Variants in MTA3 observed in about 807,000 individuals in gnomAD.
MTA3 encodes metastasis-associated protein MTA3.
In MTA3, 34 loss-of-function variants were observed where a neutral mutation model predicts 83.5. The ratio of observed to expected loss-of-function variants is 0.41; its 90% CI spans 0.31 to 0.54. MTA3 has a LOEUF of 0.54. Among genes scored for constraint, MTA3 ranks in the 20% least tolerant of loss-of-function variants. The probability of loss-of-function intolerance (pLI) is 0.33; values close to 1 mark genes in which losing one functional copy is unlikely to be tolerated. For synonymous variants in MTA3, 303 were observed against 252.7 expected, an observed-to-expected ratio of 1.20 and a Z score of -1.89; for missense variants, 761 against 726.4, an observed-to-expected ratio of 1.05 and a Z score of -0.55.
chr2:42,556,440 G>T (rs967129327), intron 2 of MTA3, among the ~76,000 whole-genome samples: 4 of 152,194 alleles, frequency 2.6e-5, no homozygotes, highest in South Asian at 2.1e-4. Flanking sequence ...CCTCAGTCCT[G>T]TTTAAATATT....
intron 2 of MTA3, among the ~76,000 whole-genome samples, chr2:42,552,402 G>A (rs1677154968): frequency 6.6e-6 from 1 of 152,146 alleles, no homozygotes. Flanking sequence ...AGCAGACTAT[G>A]AAGATGCTTG....
At chr2:42,644,724 T>C (rs983673315) in intron 6 of MTA3, among the ~76,000 whole-genome samples, 2 of 152,342 alleles carry the variant, frequency 1.3e-5, no homozygotes, top group East Asian at 1.9e-4. Context: ...TTCATTATTA[T>C]AATATCTGTT....
intron 6 of MTA3, among the ~76,000 whole-genome samples, chr2:42,654,194 C>T (rs1688954675): frequency 6.6e-6 from 1 of 152,158 alleles, no homozygotes. Flanking sequence ...GCCTTTGAAC[C>T]AGGGACAGAA....
At position 42,755,523 on chromosome 2, in the gene MTA3, A is replaced by C; in HGVS notation, c.*2124A>C. The C allele has an allele frequency of 1.0e-6, 1 of 985,402 alleles. No homozygotes were observed. Among genetic ancestry groups the C allele is most frequent in the Non-Finnish European group, 1.2e-6 (1 of 829,932 alleles). The allele number at this position is 985,402 out of a possible 1,614,324, so 61.0% of individuals were successfully genotyped here. A position where few individuals can be genotyped will look rare whatever the true frequency, so the allele number is the denominator to read the frequency against. On this transcript the variant is annotated 3_prime_UTR_variant, in exon 17 of 17. Coordinates refer to ENST00000405094, the MANE Select transcript of MTA3 (RefSeq NM_001330442.2). ...AGGCTTTTCCTTCCTCTTGTAAGTA[A>C]AGCTCGTGGTTCTGTAGTCCAGTCA...
At chr2:42,520,829 G>C (rs1376381197) in intron 2 of MTA3, among the ~76,000 whole-genome samples, 1 of 152,120 alleles carries the variant, frequency 6.6e-6, no homozygotes, top group Non-Finnish European at 1.5e-5. Flanking sequence ...TCTTCCCAAA[G>C]TGCTGGGATT....
intron 3 of MTA3, among the ~76,000 whole-genome samples, chr2:42,593,178 AAAC>A (rs70963333): frequency 0.75 from 112,124 of 150,204 alleles, 42,115 homozygotes; most frequent in Middle Eastern, 0.88. Context: ...AATAGAATTA[AAAC>A]AACAATAAAA....
At chr2:42,636,075 G>A (rs1468705524) in intron 4 of MTA3, among the ~76,000 whole-genome samples, 1 of 152,012 alleles carries the variant, frequency 6.6e-6, no homozygotes, top group Non-Finnish European at 1.5e-5. Flanking sequence ...GGCCAGGAAT[G>A]GTTTTTTAAG....
intron 9 of MTA3, among the ~76,000 whole-genome samples, chr2:42,694,965 C>T (rs1693242419): frequency 6.6e-6 from 1 of 151,614 alleles, no homozygotes; most frequent in Admixed American, 6.6e-5. Context: ...ATAGGGAGAC[C>T]CCAACTCTAC....
intron 14 of MTA3, 40 bp downstream of exon 14, chr2:42,709,136 T>C: frequency 6.5e-7 from 1 of 1,533,698 alleles, no homozygotes; most frequent in Non-Finnish European, 8.8e-7. Context: ...ATGTTGTGCT[T>C]CTGACCATTT....
chr2:42,659,828 T>C lies in MTA3; in HGVS notation c.668T>C (p.Met223Thr), dbSNP rs1317773275. The C allele has an allele frequency of 1.2e-6, 2 of 1,607,368 alleles. No homozygotes were observed. The highest frequency in any genetic ancestry group is 4.5e-5 in the East Asian group (2 of 44,418). The change falls in exon 8 of 17, where the codon ATG becomes ACG. Residue 223 changes from methionine to threonine, a missense_variant. By Grantham distance (81) the Met-to-Thr change is moderately conservative. Coordinates refer to ENST00000405094, the MANE Select transcript of MTA3 (RefSeq NM_001330442.2). ...TCTGTGAGGCAGCCTAGTTTGCATA[T>C]GAGTGCTGCTGCAGCTTCCCGAGAC... is the stretch of plus-strand genomic sequence containing the variant. ...SSSVRQPSLHMSAAAASRDIT... is the reference protein window; with the variant it reads ...SSSVRQPSLHTSAAAASRDIT...
intron 2 of MTA3, among the ~76,000 whole-genome samples, chr2:42,501,164 G>A (rs1674378591): frequency 6.6e-6 from 1 of 152,100 alleles, no homozygotes; most frequent in South Asian, 2.1e-4. Context: ...CCAGCTAAAG[G>A]AAAAGGAGTT....
chr2:42,711,424 A>G (rs1666599761), intron 14 of MTA3, among the ~76,000 whole-genome samples: 1 of 152,254 alleles, frequency 6.6e-6, no homozygotes, highest in Non-Finnish European at 1.5e-5. Flanking sequence ...TATAGTAATC[A>G]TAAAAGAGCA....
intron 4 of MTA3, among the ~76,000 whole-genome samples, chr2:42,620,097 A>G (rs995397249): frequency 3.4e-5 from 5 of 146,772 alleles, no homozygotes; most frequent in Non-Finnish European, 7.5e-5. Flanking sequence ...TCACCTCTGT[A>G]TTGTTTCAAG....
At chr2:42,529,158 A>G (rs1414230915) in intron 2 of MTA3, among the ~76,000 whole-genome samples, 1 of 152,202 alleles carries the variant, frequency 6.6e-6, no homozygotes, top group Non-Finnish European at 1.5e-5. Context: ...ATTTAAAAAA[A>G]CAATATGGCT....
In MTA3 at chr2:42,530,704, G is replaced by A. The variant is rs369778400; in HGVS notation, c.-141+35450G>A. The stretch of plus-strand genomic sequence containing the variant: ...GGAGGCTGAGGCAGGAGAATCGCTT[G>A]AACCTGGGAGGCGGAGGTTGCGGTG... On this transcript the variant is annotated intron_variant, in intron 2 of 17. Coordinates refer to the MTA3 transcript ENST00000405592. Among the ~76,000 whole-genome samples the A allele has an allele frequency of 2.6e-5, 4 of 151,950 alleles. No individual in the cohort carries two copies. The East Asian group carries it at 7.8e-4, about 30-fold the overall frequency.
At chr2:42,544,327 T>C (rs1439790948) in intron 2 of MTA3, among the ~76,000 whole-genome samples, 1 of 151,738 alleles carries the variant, frequency 6.6e-6, no homozygotes, top group Non-Finnish European at 1.5e-5. Flanking sequence ...GTGCCTATAG[T>C]CCCAGCTACT....
intron 12 of MTA3, 79 bp from the exon 13 acceptor site, chr2:42,707,824 T>A (rs1167556993): frequency 2.2e-6 from 3 of 1,358,766 alleles, no homozygotes; most frequent in South Asian, 1.7e-5. Flanking sequence ...CAAGTATTTT[T>A]AAAATGTTTG....
At chr2:42,631,300 G>C (rs1031018347) in intron 4 of MTA3, among the ~76,000 whole-genome samples, 1 of 152,178 alleles carries the variant, frequency 6.6e-6, no homozygotes, top group African/African-American at 2.4e-5. Flanking sequence ...TCCTGTCACA[G>C]CTTAACATTT....
Position 42,729,086 on chromosome 2 carries a change from G to GTTTTTTTTTTTTTT in MTA3, c.1759+6065_1759+6078dup, listed in dbSNP as rs1216600680. 2.5e-4 allele frequency among the ~76,000 whole-genome samples: 15 copies of GTTTTTTTTTTTTTT among 60,130 alleles called. 2 individuals carry two copies. The highest frequency in any genetic ancestry group is 3.2e-4 in the Non-Finnish European group (11 of 33,856). 39.4% of individuals were successfully genotyped at this position (60,130 alleles called of 152,430 possible). Reference sequence around the variant, plus strand: ...TTCTTTTATTAGTTTCACAGTTTGAGTTTTTTTTTTTTTTTTTTTTTTTTT... The same window carrying GTTTTTTTTTTTTTT: ...TTCTTTTATTAGTTTCACAGTTTGAGTTTTTTTTTTTTTTTTTTTTTTTTTTTTTTTTTTTTTTT... On this transcript the variant is annotated intron_variant, in intron 16 of 16. Transcript: ENST00000405094.
Sources: allele counts gnomAD v4.1 joint callset (sites outside exome capture counted in the v4.1 genomes callset), GRCh38; gene constraint gnomAD v4.1.1; transcripts MANE v1.5; gene names NCBI Gene and HGNC (gene_info 2026-07-23, HGNC 2026-07-21).